Variants in GLI3 observed in about 807,000 individuals in gnomAD.
GLI3 encodes transcription activator GLI3.
GLI3 carries 20 observed loss-of-function variants against 100.8 expected under a neutral mutation model. The observed-to-expected ratio is 0.20, with a 90% CI of 0.14 to 0.29. The LOEUF (loss-of-function observed/expected upper bound fraction) is 0.29, where lower values mean the gene tolerates loss of function less well. Ranked by LOEUF, GLI3 falls within the 10% of genes least tolerant of loss-of-function variation. The pLI is 1.00. For missense variants in GLI3, 2,040 were observed against 2,128.5 expected (o/e 0.96, Z 0.82); for synonymous variants, 938 against 860.5 (o/e 1.09, Z -1.58).
intron 4 of GLI3, among the ~76,000 whole-genome samples, chr7:42,054,626 A>G (rs1334749960): frequency 1.3e-5 from 2 of 152,132 alleles, no homozygotes; most frequent in Non-Finnish European, 2.9e-5. Flanking sequence ...TTTTTAATGC[A>G]TTTTTAACCA....
chr7:42,023,422 G>T (rs967784453), intron 10 of GLI3, 46 bp downstream of exon 10: 1 of 1,605,862 alleles, frequency 6.2e-7, no homozygotes, highest in Admixed American at 1.7e-5. Flanking sequence ...TCCCTGGAAA[G>T]TGTCACAGAG....
chr7:42,254,217 T>A (rs866330259), intron 1 of GLI3, among the ~76,000 whole-genome samples: 1 of 118,502 alleles, frequency 8.4e-6, no homozygotes. Flanking sequence ...AAAACTCCGT[T>A]AAAAAAAAAA....
chr7:42,190,187 G>T (rs1035684309), intron 2 of GLI3, among the ~76,000 whole-genome samples: 1 of 149,328 alleles, frequency 6.7e-6, no homozygotes, highest in Admixed American at 6.7e-5. Context: ...AGTTGAAAAA[G>T]GTAAGAAGTG....
At chr7:42,154,247 T>G (rs760987703) in intron 2 of GLI3, among the ~76,000 whole-genome samples, 1 of 152,176 alleles carries the variant, frequency 6.6e-6, no homozygotes, top group Non-Finnish European at 1.5e-5. Context: ...TGGACCCACG[T>G]GGAGGACCCG....
In GLI3 at chr7:41,966,712, G is replaced by A. The variant is rs546169601; in HGVS notation, c.2432-71C>T. 193 of 1,518,156 alleles carry A rather than the reference G, an allele frequency of 1.3e-4. No individual in the cohort carries two copies. The highest frequency in any genetic ancestry group is 1.1e-3 in the African/African-American group (79 of 73,272). 94.0% of individuals were successfully genotyped at this position (1,518,156 alleles called of 1,614,324 possible). A position where few individuals can be genotyped will look rare whatever the true frequency, so the allele number is the denominator to read the frequency against. On this transcript the variant is annotated intron_variant, in intron 14 of 14. Coordinates refer to ENST00000395925, the MANE Select transcript of GLI3 (RefSeq NM_000168.6). The surrounding 1 kb of genome is among the most constrained non-coding windows in gnomAD (Gnocchi z 5.8). ...CGAGCATGACTTACACCAGGCATGA[G>A]CAACCCTTTTCTGTAAAGGGCCAGC... is the stretch of plus-strand genomic sequence containing the variant.
At chr7:42,171,912 C>T (rs1164414300) in intron 2 of GLI3, among the ~76,000 whole-genome samples, 1 of 152,006 alleles carries the variant, frequency 6.6e-6, no homozygotes, top group African/African-American at 2.4e-5. Context: ...AGTTTCCCAA[C>T]AAAATTGAAC....
chr7:42,091,134 G>A (rs916743883), intron 3 of GLI3, among the ~76,000 whole-genome samples: 1 of 152,194 alleles, frequency 6.6e-6, no homozygotes, highest in Non-Finnish European at 1.5e-5. Context: ...TTCAACAAGG[G>A]CTCCCCATTT....
At chr7:42,041,006 C>A (rs1380362525) in intron 6 of GLI3, among the ~76,000 whole-genome samples, 2 of 152,166 alleles carry the variant, frequency 1.3e-5, no homozygotes, top group Admixed American at 1.3e-4. Context: ...GGTTGAGGAC[C>A]TCTGCCTTAC....
rs147633784 is a variant in GLI3, at chr7:42,079,522, G to A, written c.368-2665C>T. ...CAGCTATCACTGCCAATGCAAACACGCATGCCCCCTGCAGACTTCTTACTT... is the reference window on the plus strand; with the variant it reads ...CAGCTATCACTGCCAATGCAAACACACATGCCCCCTGCAGACTTCTTACTT... On this transcript the variant is annotated intron_variant, in intron 3 of 14. Transcript: ENST00000395925. Among the ~76,000 whole-genome samples, 694 of 152,208 alleles carry A rather than the reference G, an allele frequency of 4.6e-3. 6 individuals are homozygous for A. Among genetic ancestry groups the A allele is most frequent in the African/African-American group, 0.016 (653 of 41,520 alleles).
chr7:42,141,114 C>A (rs552913963), intron 3 of GLI3, among the ~76,000 whole-genome samples: 1 of 152,270 alleles, frequency 6.6e-6, no homozygotes, highest in African/African-American at 2.4e-5. Flanking sequence ...ATGGATCAGA[C>A]GCATACTTGG....
At chr7:42,148,153 ACACAC>A in intron 3 of GLI3, 68 bp downstream of exon 3, 1 of 1,440,046 alleles carries the variant, frequency 6.9e-7, no homozygotes. Flanking sequence ...ACACACACAC[ACACAC>A]ACACACACAC....
chr7:42,098,794 A>G (rs1785395748), intron 3 of GLI3, among the ~76,000 whole-genome samples: 1 of 152,192 alleles, frequency 6.6e-6, no homozygotes, highest in African/African-American at 2.4e-5. Context: ...AAACGGAAAT[A>G]AAATGGGCCC....
chr7:42,242,141 A>G (rs551788039), upstream of GLI3, among the ~76,000 whole-genome samples: 1 of 152,202 alleles, frequency 6.6e-6, no homozygotes, highest in East Asian at 1.9e-4. Flanking sequence ...CCTGGCAGCA[A>G]TGTTCTGTCT....
intron 10 of GLI3, among the ~76,000 whole-genome samples, chr7:41,987,420 G>A (rs1301998211): frequency 6.6e-6 from 1 of 152,152 alleles, no homozygotes; most frequent in Admixed American, 6.5e-5. Context: ...ACCTGCCTCG[G>A]CCTCCCAAAG....
chr7:42,209,818 CTCTT>C (rs1788226690), intron 2 of GLI3, among the ~76,000 whole-genome samples: 3 of 118,562 alleles, frequency 2.5e-5, no homozygotes, highest in African/African-American at 7.8e-5. Context: ...GAGGTTCTCT[CTCTT>C]TTTTTTTTTT....
chr7:42,022,827 T>C (rs973600115), intron 10 of GLI3, among the ~76,000 whole-genome samples: 1 of 152,010 alleles, frequency 6.6e-6, no homozygotes, highest in Non-Finnish European at 1.5e-5. Context: ...TGCAGGAGAG[T>C]GTGTAAAAAT....
chr7:42,155,192 C>A (rs1015606932), intron 2 of GLI3, among the ~76,000 whole-genome samples: 2 of 152,100 alleles, frequency 1.3e-5, no homozygotes, highest in African/African-American at 4.8e-5. Context: ...GTAATCCCAG[C>A]ACTTTGGGAG....
At chr7:41,989,335 G>A (rs965968986) in intron 10 of GLI3, among the ~76,000 whole-genome samples, 3 of 152,138 alleles carry the variant, frequency 2.0e-5, no homozygotes, top group Non-Finnish European at 2.9e-5. Context: ...AACAAATCCA[G>A]CAAACATGGT....
chr7:42,156,555 T>C (rs1445852040), intron 2 of GLI3, among the ~76,000 whole-genome samples: 1 of 152,158 alleles, frequency 6.6e-6, no homozygotes, highest in Non-Finnish European at 1.5e-5. Context: ...CCTGAGCAGT[T>C]AAGATTCCAT....
Sources: gnomAD v4.1 joint callset for allele counts (sites outside exome capture counted in the v4.1 genomes callset) on GRCh38, gnomAD v4.1.1 for gene constraint, Gnocchi (gnomAD v3.1) non-coding constraint, MANE v1.5 for transcripts, NCBI Gene and HGNC (gene_info 2026-07-23, HGNC 2026-07-21) for gene names.